The following EHBP1L1 variants were observed in gnomAD, a reference collection of about 807,000 sequenced individuals.
EHBP1L1 encodes EH domain-binding protein 1-like protein 1.
Under a neutral mutation model 151.1 loss-of-function variants are expected in EHBP1L1, and 122 were observed. The ratio of observed to expected loss-of-function variants is 0.81; its 90% CI spans 0.70 to 0.94. The LOEUF (loss-of-function observed/expected upper bound fraction) is 0.94, where lower values mean the gene tolerates loss of function less well. Ranked by LOEUF, EHBP1L1 falls within the 40% of genes least tolerant of loss-of-function variation. The pLI is 0.00. For synonymous variants in EHBP1L1, 878 were observed against 810.1 expected (o/e 1.08, Z -1.42); for missense variants, 1,941 against 1,959.8 (o/e 0.99, Z 0.18).
chr11:65,579,283 G>A (rs890257868), intron 2 of EHBP1L1, 58 bp from the exon 3 acceptor site: 9 of 1,498,610 alleles, frequency 6.0e-6, no homozygotes, highest in Non-Finnish European at 8.1e-6. Context: ...TGGTGATAGG[G>A]GGTGCAGGTG....
rs750680076 is a variant in EHBP1L1 at position 65,582,803 on chromosome 11, G to T, written c.2131G>T (p.Val711Leu). The change falls in exon 9 of 19, where the codon GTA (valine) becomes TTA (leucine). Residue 711 changes from valine to leucine, a missense_variant. Transcript: ENST00000309295. ...TQETEVEASRVPESEAEGTEA... is the reference protein window; with the variant it reads ...TQETEVEASRLPESEAEGTEA... ...GGAGACAGAGGTGGAAGCTTCTAGG[G>T]TACCAGAGTCAGAGGCTGAGGGGAC... The T allele has an allele frequency of 6.2e-7, 1 of 1,613,336 alleles. No individual in the cohort carries two copies. Among genetic ancestry groups the T allele is most frequent in the South Asian group, 1.1e-5 (1 of 91,078 alleles).
In EHBP1L1 at chr11:65,581,272, A is replaced by G. The variant is rs1353808533; in HGVS notation, c.765A>G (p.Pro255=). ...CCCCTGTGAGTGCTCCTGCACCCCC[A>G]GCCAGAACCTCCCGAGGCCAGGGGT... The part of the protein sequence containing the change: ...SPAPVSAPAP[P]ARTSRGQGSE... Residue 255 remains proline (P), a synonymous_variant, in exon 8 of 19, where the codon CCA becomes CCG. Coordinates refer to ENST00000309295, the MANE Select transcript of EHBP1L1 (RefSeq NM_001099409.3). 23 of 1,611,364 alleles carry G rather than the reference A, an allele frequency of 1.4e-5. No homozygotes were observed. Among genetic ancestry groups the G allele is most frequent in the African/African-American group, 2.7e-5 (2 of 74,652 alleles).
rs775193216 is a variant in EHBP1L1, at chr11:65,585,602, A to G, written c.3933+11A>G. The G allele has an allele frequency of 1.3e-6, 2 of 1,565,202 alleles. No individual in the cohort carries two copies. The highest frequency in any genetic ancestry group is 8.6e-7 in the Non-Finnish European group (1 of 1,163,034). ...GGAGCTGCGGCTGCAGTGAGTGTCAAGGTCCTTCTTTCTTCCCCCGCCGCA... is the reference window on the plus strand; with the variant it reads ...GGAGCTGCGGCTGCAGTGAGTGTCAGGGTCCTTCTTTCTTCCCCCGCCGCA... On this transcript the variant is annotated intron_variant, in intron 12 of 18. Coordinates refer to ENST00000309295, the MANE Select transcript of EHBP1L1 (RefSeq NM_001099409.3). The surrounding 1 kb of genome is among the most constrained non-coding windows in gnomAD (Gnocchi z 4.0).
Position 65,585,685 on chromosome 11 carries a change from A to G in EHBP1L1, c.3933+94A>G, listed in dbSNP as rs1400925191. ...GGCGAGCCCCCAAGGGGCCCCAAGG[A>G]CAGAGCTGGCGCGAGGGTGACGGTT... On this transcript the variant is annotated intron_variant, in intron 12 of 18. Coordinates refer to ENST00000309295, the MANE Select transcript of EHBP1L1 (RefSeq NM_001099409.3). The surrounding 1 kb of genome is among the most constrained non-coding windows in gnomAD (Gnocchi z 4.0). 23 of 1,499,966 alleles carry G rather than the reference A, an allele frequency of 1.5e-5. No homozygotes were observed. Among genetic ancestry groups the G allele is most frequent in the Non-Finnish European group, 2.0e-5 (22 of 1,125,728 alleles). 92.9% of individuals were successfully genotyped at this position (1,499,966 alleles called of 1,614,324 possible).
In EHBP1L1 at chr11:65,584,316, G is replaced by T. The variant is rs564127023; in HGVS notation, c.3169G>T (p.Val1057Phe). 3 of 1,611,362 alleles carry T rather than the reference G, an allele frequency of 1.9e-6. No homozygotes were observed. The highest frequency in any genetic ancestry group is 2.5e-6 in the Non-Finnish European group (3 of 1,178,648). Residue 1057 changes from valine to phenylalanine, a missense_variant, in exon 10 of 19, where the codon GTC (valine) becomes TTC (phenylalanine). Val to Phe is a conservative substitution (Grantham distance 50). Coordinates refer to ENST00000309295, the MANE Select transcript of EHBP1L1 (RefSeq NM_001099409.3). ...CQEVTTGYRGVRITNFTTSWR... is the reference protein window; with the variant it reads ...CQEVTTGYRGFRITNFTTSWR... ...GGAAGTCACCACTGGCTACCGTGGCGTCCGCATCACCAACTTCACCACATC... is the reference window on the plus strand; with the variant it reads ...GGAAGTCACCACTGGCTACCGTGGCTTCCGCATCACCAACTTCACCACATC...
intron 12 of EHBP1L1, among the ~76,000 whole-genome samples, chr11:65,589,187 C>T (rs190234938): frequency 9.1e-4 from 138 of 152,242 alleles, no homozygotes; most frequent in Non-Finnish European, 1.7e-3. Flanking sequence ...AGCAGATCAC[C>T]TGAGGTCAGG....
At position 65,576,330 on chromosome 11, in the gene EHBP1L1, C is replaced by G; in HGVS notation, c.28C>G (p.Arg10Gly). Residue 10 changes from arginine to glycine, a missense_variant, in exon 1 of 19, where the codon CGC (arginine) becomes GGC (glycine). Coordinates refer to ENST00000309295, the MANE Select transcript of EHBP1L1 (RefSeq NM_001099409.3). MTSVWKRLQ[R>G]VGKRAAKFQF... ...GACCTCGGTGTGGAAGCGCCTGCAG[C>G]GCGTGGGCAAGCGGGCGGCCAAGTT... 1 of 1,598,130 alleles carries G rather than the reference C, an allele frequency of 6.3e-7. No homozygotes were observed. Among genetic ancestry groups the G allele is most frequent in the Non-Finnish European group, 8.5e-7 (1 of 1,173,188 alleles).
At chr11:65,580,305 C>T in intron 5 of EHBP1L1, 32 bp from the exon 6 acceptor site, 1 of 1,613,368 alleles carries the variant, frequency 6.2e-7, no homozygotes, top group East Asian at 2.2e-5. Context: ...TGACCTCTGA[C>T]TCCACCCTCA....
chr11:65,585,271 CCGGGG>C lies in EHBP1L1; in HGVS notation c.3614_3618del (p.Pro1205ArgfsTer111). 9.2e-7 allele frequency: 1 copy of C among 1,081,572 alleles called. No homozygotes were observed. Among genetic ancestry groups the C allele is most frequent in the Non-Finnish European group, 1.1e-6 (1 of 891,614 alleles). 67.0% of individuals were successfully genotyped at this position (1,081,572 alleles called of 1,614,324 possible). A position where few individuals can be genotyped will look rare whatever the true frequency, so the allele number is the denominator to read the frequency against. ...CGCAGACCGCGCAGACGGGGCGGCCCCGGGGGTGGCCTCCAGGAACGCGGTCGCGG... is the reference window on the plus strand; with the variant it reads ...CGCAGACCGCGCAGACGGGGCGGCCCGTGGCCTCCAGGAACGCGGTCGCGG... On this transcript the variant is annotated frameshift_variant, in exon 12 of 19. Coordinates refer to ENST00000309295, the MANE Select transcript of EHBP1L1 (RefSeq NM_001099409.3). LOFTEE classifies it high-confidence loss of function. This position sits in a 1 kb window ranked among gnomAD's most constrained non-coding sequence, Gnocchi z 4.0.
Position 65,585,115 on chromosome 11 carries a change from G to A in EHBP1L1, c.3457G>A (p.Gly1153Ser), listed in dbSNP as rs1330724476. The stretch of plus-strand genomic sequence containing the variant: ...GGAGCTGCAGCTGGTACAACTGGAG[G>A]GCGGCGGCGGCGCCGGCACGTACCG... ...GQELQLVQLE[G>S]GGGAGTYRVG... Residue 1153 changes from glycine (G) to serine (S), a missense_variant, in exon 12 of 19, where the codon GGC becomes AGC. Physicochemically the swap from Gly to Ser is moderately conservative, Grantham distance 56. Transcript: ENST00000309295. This position sits in a 1 kb window ranked among gnomAD's most constrained non-coding sequence, Gnocchi z 4.0. 6.6e-7 allele frequency: 1 copy of A among 1,505,382 alleles called. No homozygotes were observed. 93.3% of individuals were successfully genotyped at this position (1,505,382 alleles called of 1,614,324 possible). A position where few individuals can be genotyped will look rare whatever the true frequency, so the allele number is the denominator to read the frequency against.
chr11:65,589,121 G>A (rs1037130798), intron 12 of EHBP1L1, among the ~76,000 whole-genome samples: 5 of 152,184 alleles, frequency 3.3e-5, no homozygotes, highest in East Asian at 3.8e-4. Flanking sequence ...AAGAGGAGTC[G>A]AGGCCGGGCG....
At position 65,582,206 on chromosome 11, in the gene EHBP1L1, A is replaced by G; in HGVS notation, c.1534A>G (p.Arg512Gly). The part of the protein sequence containing the change: ...AGQEREGAEV[R>G]GGAPGIEGTG... The stretch of plus-strand genomic sequence containing the variant: ...CCAGGAGAGAGAGGGTGCAGAAGTG[A>G]GGGGTGGAGCACCTGGTATTGAGGG... Residue 512 changes from arginine (R) to glycine (G), a missense_variant, in exon 9 of 19, where the codon AGG becomes GGG. Transcript: ENST00000309295. The G allele has an allele frequency of 6.5e-7, 1 of 1,537,556 alleles. No individual in the cohort carries two copies. The highest frequency in any genetic ancestry group is 2.1e-5 in the Admixed American group (1 of 46,710).
Position 65,582,166 on chromosome 11 carries a change from C to A in EHBP1L1, c.1494C>A (p.Ala498=). 1.3e-6 allele frequency: 2 copies of A among 1,577,142 alleles called. No individual in the cohort carries two copies. Among genetic ancestry groups the A allele is most frequent in the Non-Finnish European group, 1.7e-6 (2 of 1,162,804 alleles). The change falls in exon 9 of 19, where the codon GCC becomes GCA. Residue 498 remains alanine, a synonymous_variant. Coordinates refer to ENST00000309295, the MANE Select transcript of EHBP1L1 (RefSeq NM_001099409.3). ...GGCAACTTGGTGACCTCGAGGGGGC[C>A]AGGGCTGCTGCAGGCCAGGAGAGAG... The part of the protein sequence containing the change: ...HSGQLGDLEG[A]RAAAGQEREG...
In EHBP1L1 at chr11:65,579,989, T is replaced by C. The variant is rs1857518198; in HGVS notation, c.312T>C (p.Asn104=). Residue 104 remains asparagine (N), a splice_region_variant and synonymous_variant, in exon 4 of 19, where the codon AAT becomes AAC. Transcript: ENST00000309295. ...EAKEWTFIIE[N]ESKGQRKVLA... ...AAGAGTGGACATTTATTATTGAAAATGTGAGTGTCTGGAGTGGGCTCAGGT... is the reference window on the plus strand; with the variant it reads ...AAGAGTGGACATTTATTATTGAAAACGTGAGTGTCTGGAGTGGGCTCAGGT... The C allele has an allele frequency of 5.0e-6, 8 of 1,613,764 alleles. No homozygotes were observed. In the East Asian group the frequency reaches 1.8e-4, roughly 36 times the overall value.
rs989207763 is a variant in EHBP1L1 at position 65,585,529 on chromosome 11, C to T, written c.3871C>T (p.Arg1291Trp). Reference sequence around the variant, plus strand: ...GCTCAAGAAGAGGCGCTCGCGGCTGCGGAACAGCAGCTCGTTCTCGATGGA... The same window carrying T: ...GCTCAAGAAGAGGCGCTCGCGGCTGTGGAACAGCAGCTCGTTCTCGATGGA... ...DLLKKRRSRL[R>W]NSSSFSMDDP... Residue 1291 changes from arginine (R) to tryptophan (W), a missense_variant, in exon 12 of 19, where the codon CGG becomes TGG. By Grantham distance (101) the Arg-to-Trp change is moderately radical (BLOSUM62 -3). Coordinates refer to ENST00000309295, the MANE Select transcript of EHBP1L1 (RefSeq NM_001099409.3). This position sits in a 1 kb window ranked among gnomAD's most constrained non-coding sequence, Gnocchi z 4.0. The T allele has an allele frequency of 2.5e-6, 4 of 1,574,338 alleles. No homozygotes were observed. Among genetic ancestry groups the T allele is most frequent in the East Asian group, 4.7e-5 (2 of 42,912 alleles).
chr11:65,589,233 C>T (rs1361217004), intron 12 of EHBP1L1, among the ~76,000 whole-genome samples: 1 of 152,142 alleles, frequency 6.6e-6, no homozygotes, highest in Non-Finnish European at 1.5e-5. Flanking sequence ...GGTGAAACCC[C>T]GTCTCTACTA....
In EHBP1L1 at chr11:65,576,291, G is replaced by T. The variant is rs765368495; in HGVS notation, c.-12G>T. 5 of 1,575,572 alleles carry T rather than the reference G, an allele frequency of 3.2e-6. No individual in the cohort carries two copies. The African/African-American group carries it at 6.7e-5, about 21-fold the overall frequency. On this transcript the variant is annotated 5_prime_UTR_variant, in exon 1 of 19. Coordinates refer to ENST00000309295, the MANE Select transcript of EHBP1L1 (RefSeq NM_001099409.3). ...CCGGGCCTGAGAAGTGGGCGGCGGG[G>T]TGGCGGGGGCCATGACCTCGGTGTG...
In EHBP1L1 at chr11:65,585,707, G is replaced by C. The variant is rs1857935679; in HGVS notation, c.3933+116G>C. On this transcript the variant is annotated intron_variant, in intron 12 of 18. Transcript: ENST00000309295. This position sits in a 1 kb window ranked among gnomAD's most constrained non-coding sequence, Gnocchi z 4.0. ...AGGACAGAGCTGGCGCGAGGGTGAC[G>C]GTTTCAGAGTGGCGGGGCTCGGCTG... The C allele has an allele frequency of 6.8e-7, 1 of 1,460,174 alleles. No individual in the cohort carries two copies. The highest frequency in any genetic ancestry group is 9.1e-7 in the Non-Finnish European group (1 of 1,097,762). 90.5% of individuals were successfully genotyped at this position (1,460,174 alleles called of 1,614,324 possible). A position where few individuals can be genotyped will look rare whatever the true frequency, so the allele number is the denominator to read the frequency against.
At chr11:65,591,766 A>ACCCCCCCCCCCCCCCC in intron 16 of EHBP1L1, 34 bp from the exon 17 acceptor site, 3 of 806,794 alleles carry the variant, frequency 3.7e-6, no homozygotes, top group Admixed American at 2.1e-5. Context: ...CTGAACTGCC[A>ACCCCCCCCCCCCCCCC]CCCCCCCGCC....
Sources: gnomAD v4.1 joint callset for allele counts (sites outside exome capture counted in the v4.1 genomes callset) on GRCh38, gnomAD v4.1.1 for gene constraint, Gnocchi (gnomAD v3.1) non-coding constraint, MANE v1.5 for transcripts, NCBI Gene and HGNC (gene_info 2026-07-23, HGNC 2026-07-21) for gene names.